ANKRD45: variants seen among roughly 807,000 people sequenced by gnomAD.
The protein encoded by ANKRD45 is ankyrin repeat domain 45, also known as ankyrin repeat domain-containing protein 45.
ANKRD45 carries 21 observed loss-of-function variants against 28.1 expected under a neutral mutation model. That is an observed-to-expected ratio of 0.75 (90% confidence interval 0.53 to 1.08). The LOEUF (loss-of-function observed/expected upper bound fraction) is 1.08, where lower values mean the gene tolerates loss of function less well. Among genes scored for constraint, ANKRD45 ranks in the 50% least tolerant of loss-of-function variants. The probability of loss-of-function intolerance (pLI) is 0.00; values close to 1 mark genes in which losing one functional copy is unlikely to be tolerated. For missense variants in ANKRD45, 261 were observed against 308.7 expected (o/e 0.85, Z 1.16); for synonymous variants, 86 against 103.9 (o/e 0.83, Z 1.05).
the ANKRD45 span, among the ~76,000 whole-genome samples, chr1:173,701,502 A>G: frequency 6.6e-6 from 1 of 152,266 alleles, no homozygotes; most frequent in Admixed American, 6.5e-5. Flanking sequence ...AAAAAGGATG[A>G]GTTCATATCC....
the ANKRD45 span, among the ~76,000 whole-genome samples, chr1:173,705,882 T>C: frequency 5.3e-5 from 8 of 152,142 alleles, no homozygotes; most frequent in Non-Finnish European, 1.2e-4. Context: ...AATTTTAAAC[T>C]ATAAATACAT....
chr1:173,714,428 G>A, the ANKRD45 span, among the ~76,000 whole-genome samples: 1 of 152,150 alleles, frequency 6.6e-6, no homozygotes, highest in Non-Finnish European at 1.5e-5. Context: ...TAAGTAGAAA[G>A]GGCAGACTAA....
the ANKRD45 span, among the ~76,000 whole-genome samples, chr1:173,679,001 G>T: frequency 6.6e-6 from 1 of 152,090 alleles, no homozygotes. Flanking sequence ...CAGGTGTGAA[G>T]GACCTCTTCA....
chr1:173,632,501 T>C (rs1220914812), intron 3 of ANKRD45, among the ~76,000 whole-genome samples: 1 of 149,034 alleles, frequency 6.7e-6, no homozygotes, highest in East Asian at 2.0e-4. Flanking sequence ...ATTATTACCC[T>C]GATATGAAAA....
chr1:173,687,413 A>T, the ANKRD45 span, among the ~76,000 whole-genome samples: 1 of 149,672 alleles, frequency 6.7e-6, no homozygotes, highest in Non-Finnish European at 1.5e-5. Context: ...TTATTTTAGG[A>T]CAAGAATTTA....
intron 5 of ANKRD45, among the ~76,000 whole-genome samples, chr1:173,619,628 G>A (rs923668775): frequency 1.3e-5 from 2 of 152,112 alleles, no homozygotes; most frequent in African/African-American, 4.8e-5. Flanking sequence ...AGGAGTTCGA[G>A]ACCAGCCTAG....
the ANKRD45 span, among the ~76,000 whole-genome samples, chr1:173,702,660 T>G: frequency 6.6e-6 from 1 of 151,476 alleles, no homozygotes; most frequent in Admixed American, 6.6e-5. Context: ...GCACTGATCT[T>G]TATTGCTGGC....
chr1:173,690,507 G>C, the ANKRD45 span, among the ~76,000 whole-genome samples: 1 of 152,104 alleles, frequency 6.6e-6, no homozygotes, highest in Non-Finnish European at 1.5e-5. Flanking sequence ...CTCCAACAAA[G>C]GGCATAGCCT....
At chr1:173,709,988 A>C in the ANKRD45 span, among the ~76,000 whole-genome samples, 1 of 152,146 alleles carries the variant, frequency 6.6e-6, no homozygotes, top group Admixed American at 6.5e-5. Flanking sequence ...TAAACAACTA[A>C]TTATGTAATT....
At chr1:173,710,248 G>A in the ANKRD45 span, among the ~76,000 whole-genome samples, 1 of 152,182 alleles carries the variant, frequency 6.6e-6, no homozygotes, top group Admixed American at 6.5e-5. Flanking sequence ...GTTACCGGTG[G>A]TGAATCCATA....
chr1:173,683,525 G>A, the ANKRD45 span, among the ~76,000 whole-genome samples: 4 of 152,112 alleles, frequency 2.6e-5, no homozygotes, highest in Non-Finnish European at 5.9e-5. Flanking sequence ...TCTCTGGAGG[G>A]GGTGTTTCCA....
intron 3 of ANKRD45, among the ~76,000 whole-genome samples, chr1:173,633,220 A>C (rs904008445): frequency 6.6e-6 from 1 of 152,084 alleles, no homozygotes; most frequent in African/African-American, 2.4e-5. Context: ...CTGAAAAAAA[A>C]ATCAAGAAAG....
chr1:173,683,163 A>G, the ANKRD45 span, among the ~76,000 whole-genome samples: 1 of 152,124 alleles, frequency 6.6e-6, no homozygotes, highest in Admixed American at 6.6e-5. Flanking sequence ...TGATCACACA[A>G]CTTATATGAT....
intron 4 of ANKRD45, among the ~76,000 whole-genome samples, chr1:173,626,789 A>G (rs1474515438): frequency 2.0e-5 from 3 of 152,142 alleles, no homozygotes; most frequent in Non-Finnish European, 4.4e-5. Context: ...TTTTTACTCA[A>G]TATTACATTT....
upstream of ANKRD45, among the ~76,000 whole-genome samples, chr1:173,671,894 AAAAG>A (rs889511604): frequency 1.3e-5 from 2 of 151,830 alleles, no homozygotes; most frequent in African/African-American, 4.8e-5. Flanking sequence ...AAAAAAAAAA[AAAAG>A]AAACCCTAAG....
chr1:173,682,461 C>G, the ANKRD45 span, among the ~76,000 whole-genome samples: 2 of 151,982 alleles, frequency 1.3e-5, no homozygotes, highest in African/African-American at 4.8e-5. Flanking sequence ...GGTTTCTCCC[C>G]CAAAAGGAGT....
At chr1:173,671,749 G>A (rs1310991543), upstream of ANKRD45, among the ~76,000 whole-genome samples, 2 of 151,856 alleles carry the variant, frequency 1.3e-5, no homozygotes, top group Non-Finnish European at 2.9e-5. Flanking sequence ...AGGCGTGGTG[G>A]TATGCGCCTG....
At chr1:173,704,653 C>T in the ANKRD45 span, among the ~76,000 whole-genome samples, 3 of 152,180 alleles carry the variant, frequency 2.0e-5, no homozygotes, top group Non-Finnish European at 2.9e-5. Flanking sequence ...CAAGGACTGT[C>T]TGTGCTTCTT....
At chr1:173,668,992 A>C (rs1357482467) in intron 1 of ANKRD45, among the ~76,000 whole-genome samples, 1 of 152,200 alleles carries the variant, frequency 6.6e-6, no homozygotes, top group Non-Finnish European at 1.5e-5. Flanking sequence ...AAAAATCTAT[A>C]AACTTTTCTT....
Sources: gnomAD v4.1 joint callset for allele counts (sites outside exome capture counted in the v4.1 genomes callset) on GRCh38, gnomAD v4.1.1 for gene constraint, MANE v1.5 for transcripts, NCBI Gene and HGNC (gene_info 2026-07-23, HGNC 2026-07-21) for gene names.